MIPOL1: variants seen among roughly 807,000 people sequenced by gnomAD.
MIPOL1 encodes the protein mirror-image polydactyly gene 1 protein.
A neutral mutation model predicts 60.9 loss-of-function variants in MIPOL1; 57 were observed. The ratio of observed to expected loss-of-function variants is 0.94; its 90% CI spans 0.76 to 1.17. The LOEUF (loss-of-function observed/expected upper bound fraction) is 1.17, where lower values mean the gene tolerates loss of function less well. MIPOL1 is among the 50% of genes most tolerant of loss of function. The pLI is 0.00. For missense variants in MIPOL1, 551 were observed against 511.6 expected, an observed-to-expected ratio of 1.08 and a Z score of -0.74; for synonymous variants, 179 against 168.8, an observed-to-expected ratio of 1.06 and a Z score of -0.47.
intron 10 of MIPOL1, 71 bp from the exon 11 acceptor site, chr14:37,422,784 T>C (rs574969179): frequency 2.1e-4 from 207 of 984,334 alleles, no homozygotes; most frequent in South Asian, 9.5e-4. Flanking sequence ...AGACTACTGT[T>C]CTTACCGTGG....
At chr14:37,418,037 T>C (rs555506003) in intron 10 of MIPOL1, among the ~76,000 whole-genome samples, 10 of 152,288 alleles carry the variant, frequency 6.6e-5, no homozygotes, top group Non-Finnish European at 8.8e-5. Flanking sequence ...TTTGCTTCTG[T>C]GATTTAATTT....
chr14:37,233,731 G>A (rs1389876537), intron 1 of MIPOL1, among the ~76,000 whole-genome samples: 1 of 152,196 alleles, frequency 6.6e-6, no homozygotes, highest in African/African-American at 2.4e-5. Flanking sequence ...GAGCATTGCT[G>A]TGGGGGAGGA....
chr14:37,206,301 G>T (rs973004866), intron 1 of MIPOL1, among the ~76,000 whole-genome samples: 14 of 152,216 alleles, frequency 9.2e-5, no homozygotes, highest in Non-Finnish European at 2.9e-5. Context: ...CATGGCTTCA[G>T]AGTGCGCAGG....
At chr14:37,322,557 G>A (rs2088692214) in intron 9 of MIPOL1, among the ~76,000 whole-genome samples, 2 of 151,204 alleles carry the variant, frequency 1.3e-5, no homozygotes, top group South Asian at 4.2e-4. Context: ...TTTTTATTTT[G>A]TGAAGTAGAC....
intron 9 of MIPOL1, among the ~76,000 whole-genome samples, chr14:37,322,595 A>G (rs938937781): frequency 6.6e-6 from 1 of 151,638 alleles, no homozygotes; most frequent in African/African-American, 2.4e-5. Context: ...AAAAATATTT[A>G]CTCATTTATT....
intron 1 of MIPOL1, among the ~76,000 whole-genome samples, chr14:37,210,019 G>A (rs1283944364): frequency 6.6e-6 from 1 of 151,952 alleles, no homozygotes; most frequent in African/African-American, 2.4e-5. Context: ...AGATGGATAT[G>A]CTCTATTATT....
chr14:37,366,918 T>A (rs2092489780), intron 9 of MIPOL1, among the ~76,000 whole-genome samples: 1 of 152,066 alleles, frequency 6.6e-6, no homozygotes, highest in South Asian at 2.1e-4. Flanking sequence ...TTGTTTGTCT[T>A]TCCTTAGAGT....
intron 10 of MIPOL1, among the ~76,000 whole-genome samples, chr14:37,387,173 A>T (rs2153516074): frequency 6.6e-6 from 1 of 152,056 alleles, no homozygotes; most frequent in South Asian, 2.1e-4. Context: ...AGATAATGAA[A>T]CTGTGAGGAA....
intron 9 of MIPOL1, among the ~76,000 whole-genome samples, chr14:37,351,594 T>C (rs77631107): frequency 0.92 from 98,473 of 107,302 alleles, 44,939 homozygotes; most frequent in South Asian, 0.95. Flanking sequence ...TTTTAATGAT[T>C]GCCATTCTAA....
chr14:37,258,847 C>T (rs1428597098), intron 3 of MIPOL1, among the ~76,000 whole-genome samples: 1 of 151,106 alleles, frequency 6.6e-6, no homozygotes, highest in Non-Finnish European at 1.5e-5. Context: ...GTGAAACAAA[C>T]AAAAACTTAA....
chr14:37,364,445 GGAAATCCAGTTTTCCCA>G (rs2092400026), intron 9 of MIPOL1, among the ~76,000 whole-genome samples: 1 of 152,164 alleles, frequency 6.6e-6, no homozygotes, highest in African/African-American at 2.4e-5. Context: ...TTCTGCATAT[GGAAATCCAGTTTTCCCA>G]GCACCATTTA....
At chr14:37,349,219 C>T (rs2091169866) in intron 9 of MIPOL1, among the ~76,000 whole-genome samples, 2 of 152,002 alleles carry the variant, frequency 1.3e-5, no homozygotes, top group Admixed American at 1.3e-4. Context: ...TACTCCTGAC[C>T]TCAGGTGATC....
At chr14:37,502,094 A>G (rs933222891) in intron 12 of MIPOL1, 3 of 152,324 alleles carry the variant, frequency 2.0e-5, no homozygotes, top group African/African-American at 7.2e-5. Context: ...GTGGCTGGGC[A>G]GCTCAAACTG....
At chr14:37,477,501 G>A (rs964234940) in intron 11 of MIPOL1, among the ~76,000 whole-genome samples, 1 of 152,116 alleles carries the variant, frequency 6.6e-6, no homozygotes, top group Non-Finnish European at 1.5e-5. Context: ...AAATTTACAG[G>A]CATGGAGTTG....
chr14:37,431,984 C>G (rs746727054), intron 11 of MIPOL1, among the ~76,000 whole-genome samples: 4 of 152,064 alleles, frequency 2.6e-5, no homozygotes, highest in Non-Finnish European at 4.4e-5. Context: ...AAGCGCTCAA[C>G]AAATATTTGT....
At chr14:37,434,078 T>C (rs2094123296) in intron 11 of MIPOL1, among the ~76,000 whole-genome samples, 1 of 152,208 alleles carries the variant, frequency 6.6e-6, no homozygotes, top group African/African-American at 2.4e-5. Context: ...AAATGGTATT[T>C]CTGGTTCTAG....
At chr14:37,234,131 G>A (rs959897195) in intron 1 of MIPOL1, among the ~76,000 whole-genome samples, 6 of 152,158 alleles carry the variant, frequency 3.9e-5, no homozygotes, top group South Asian at 2.1e-4. Context: ...GGCACCCATC[G>A]GGTAGAAAGT....
At chr14:37,290,819 G>A (rs1442976746) in intron 7 of MIPOL1, among the ~76,000 whole-genome samples, 1 of 152,048 alleles carries the variant, frequency 6.6e-6, no homozygotes, top group Non-Finnish European at 1.5e-5. Context: ...CCAGTATTAA[G>A]CCTAGTATCC....
intron 9 of MIPOL1, among the ~76,000 whole-genome samples, chr14:37,325,318 A>T (rs72671751): frequency 1.3e-5 from 2 of 152,208 alleles, no homozygotes; most frequent in Non-Finnish European, 2.9e-5. Context: ...TTTTACTTCA[A>T]ATAAAACAAT....
Sources: allele counts gnomAD v4.1 joint callset (sites outside exome capture counted in the v4.1 genomes callset), GRCh38; gene constraint gnomAD v4.1.1; transcripts MANE v1.5; gene names NCBI Gene and HGNC (gene_info 2026-07-23, HGNC 2026-07-21).